ATP8A1: variants seen among roughly 807,000 people sequenced by gnomAD.
ATP8A1 encodes the protein ATPase phospholipid transporting 8A1, also known as phospholipid-transporting ATPase IA.
A neutral mutation model predicts 177.7 loss-of-function variants in ATP8A1; 90 were observed. That is an observed-to-expected ratio of 0.51 (90% CI 0.43 to 0.60). The LOEUF (loss-of-function observed/expected upper bound fraction) is 0.60, where lower values mean the gene tolerates loss of function less well. ATP8A1 is among the 20% of genes least tolerant of loss of function. The pLI is 0.00. For missense variants in ATP8A1, 1,072 were observed against 1,392.8 expected (o/e 0.77, Z 3.67); for synonymous variants, 493 against 485.9 (o/e 1.01, Z -0.19).
chr4:42,435,461 A>AAC lies in ATP8A1; in HGVS notation c.3123+8103_3123+8104insGT, dbSNP rs67063110. Among the ~76,000 whole-genome samples the AAC allele has an allele frequency of 3.0e-4, 37 of 122,374 alleles. 1 individual carries two copies. The highest frequency in any genetic ancestry group is 7.6e-4 in the East Asian group (3 of 3,924). The allele number at this position is 122,374 out of a possible 152,430, so 80.3% of individuals were successfully genotyped here. On this transcript the variant is annotated intron_variant, in intron 33 of 36. Coordinates refer to ENST00000381668, the MANE Select transcript of ATP8A1 (RefSeq NM_006095.2). Reference sequence around the variant, plus strand: ...AAAAAAAAAAAAAACAAAAAAAAAAAAACAAACTATCTCCAGTTATGAGCT... The same window carrying AAC: ...AAAAAAAAAAAAAACAAAAAAAAAAAACAACAAACTATCTCCAGTTATGAGCT...
intron 9 of ATP8A1, among the ~76,000 whole-genome samples, chr4:42,582,141 T>C (rs1733156876): frequency 6.6e-6 from 1 of 152,188 alleles, no homozygotes. Flanking sequence ...CTCTTGTCCT[T>C]GTGAGGACAC....
At position 42,421,588 on chromosome 4, in the gene ATP8A1, G is replaced by A. The variant is rs551913414; in HGVS notation, c.3305+1219C>T. 2.8e-4 allele frequency among the ~76,000 whole-genome samples: 42 copies of A among 152,248 alleles called. No homozygotes were observed. The South Asian group carries it at 8.3e-3, about 30-fold the overall frequency. ...CGAAGTGAGCGCTCAACAAAGGTCAGTGCTATTATTTTCAAAAAAGTGGCA... is the reference window on the plus strand; with the variant it reads ...CGAAGTGAGCGCTCAACAAAGGTCAATGCTATTATTTTCAAAAAAGTGGCA... On this transcript the variant is annotated intron_variant, in intron 35 of 36. Transcript: ENST00000381668.
chr4:42,532,513 A>C (rs1402006220), intron 20 of ATP8A1, among the ~76,000 whole-genome samples: 1 of 152,124 alleles, frequency 6.6e-6, no homozygotes, highest in Non-Finnish European at 1.5e-5. Flanking sequence ...GGTGACACAA[A>C]AAAAATAGAA....
intron 2 of ATP8A1, chr4:42,626,591 CA>C: frequency 4.9e-6 from 1 of 203,080 alleles, no homozygotes; most frequent in South Asian, 8.5e-5. Flanking sequence ...TCACAACTAT[CA>C]AAAACCAATA....
intron 1 of ATP8A1, among the ~76,000 whole-genome samples, chr4:42,627,731 C>A (rs990433435): frequency 2.6e-5 from 4 of 152,142 alleles, no homozygotes; most frequent in African/African-American, 9.7e-5. Context: ...GCAATGTTGA[C>A]AAACACTTTA....
At chr4:42,579,628 T>G (rs76443832) in intron 11 of ATP8A1, among the ~76,000 whole-genome samples, 185 bp downstream of exon 11, 1,525 of 152,048 alleles carry the variant, frequency 0.01, 15 homozygotes, top group African/African-American at 0.035. Flanking sequence ...GATTCTGAAA[T>G]TTTAGGATTC....
intron 1 of ATP8A1, among the ~76,000 whole-genome samples, chr4:42,642,302 C>T (rs560147413): frequency 6.6e-6 from 1 of 152,100 alleles, no homozygotes; most frequent in African/African-American, 2.4e-5. Flanking sequence ...CACACCCTAA[C>T]GAGACTCTGA....
In ATP8A1 at chr4:42,465,042, T is replaced by C. The variant is rs1719587735; in HGVS notation, c.2359A>G (p.Met787Val). ...ACGACTTTGACTTGTTTCTTAACCA[T>C]CTCAACAACTTCAGATTTTTGAAGA... ...SPLQKSEVVE[M>V]VKKQVKVVTL... The change falls in exon 26 of 37, where the codon ATG (methionine) becomes GTG (valine). Residue 787 changes from methionine (M) to valine (V), a missense_variant. Transcript: ENST00000381668. 1 of 1,613,800 alleles carries C rather than the reference T, an allele frequency of 6.2e-7. No individual in the cohort carries two copies.
chr4:42,630,041 G>C (rs1461457825), intron 1 of ATP8A1, among the ~76,000 whole-genome samples: 2 of 152,196 alleles, frequency 1.3e-5, no homozygotes, highest in African/African-American at 4.8e-5. Flanking sequence ...ATTCAAAATT[G>C]AAAGTTATTC....
chr4:42,478,616 T>C (rs1255895721), intron 25 of ATP8A1, among the ~76,000 whole-genome samples: 2 of 151,972 alleles, frequency 1.3e-5, no homozygotes, highest in African/African-American at 4.8e-5. Context: ...AGTTCAAGAC[T>C]CTAGGGAGAT....
At chr4:42,446,080 C>CAAAAAAAAGAAAAAAAAAAAAAAAAA (rs1717190826) in intron 31 of ATP8A1, among the ~76,000 whole-genome samples, 1 of 63,954 alleles carries the variant, frequency 1.6e-5, no homozygotes, top group Non-Finnish European at 3.3e-5. Flanking sequence ...AACGCCCTCT[C>CAAAAAAAAGAAAAAAAAAAAAAAAAA]AAAAAAAAAA....
chr4:42,588,274 A>G lies in ATP8A1; in HGVS notation c.580T>C (p.Leu194=). 6.2e-7 allele frequency: 1 copy of G among 1,613,348 alleles called. No homozygotes were observed. Among genetic ancestry groups the G allele is most frequent in the Non-Finnish European group, 8.5e-7 (1 of 1,179,418 alleles). ...TCAGATCTTACCTGTCTAATTTTCA[A>G]GTTTGTTTCACCATCTAAGTTGGAT... ...ETSNLDGETN[L]KIRQGLPATS... is the part of the protein sequence containing the mutation. The change falls in exon 8 of 37, where the codon TTG becomes CTG. Residue 194 remains leucine (L), a synonymous_variant. Transcript: ENST00000381668.
chr4:42,572,620 C>T (rs141238759), intron 14 of ATP8A1, among the ~76,000 whole-genome samples: 1 of 152,302 alleles, frequency 6.6e-6, no homozygotes, highest in African/African-American at 2.4e-5. Flanking sequence ...AGCAGTTTAA[C>T]TAGCTTTACT....
intron 25 of ATP8A1, among the ~76,000 whole-genome samples, chr4:42,465,590 C>A (rs1719649828): frequency 6.6e-6 from 1 of 152,156 alleles, no homozygotes; most frequent in Non-Finnish European, 1.5e-5. Context: ...CATTTTCTTC[C>A]AAAGCCACTA....
At chr4:42,583,088 C>A (rs1733261832) in intron 9 of ATP8A1, among the ~76,000 whole-genome samples, 1 of 152,200 alleles carries the variant, frequency 6.6e-6, no homozygotes, top group African/African-American at 2.4e-5. Flanking sequence ...CAAAGCGAGG[C>A]TGAGGTCTTC....
chr4:42,524,865 G>T lies in ATP8A1; in HGVS notation c.1723-18C>A, dbSNP rs990236947. The T allele has an allele frequency of 5.2e-6, 8 of 1,548,798 alleles. No homozygotes were observed. The highest frequency in any genetic ancestry group is 7.1e-6 in the Non-Finnish European group (8 of 1,134,078). On this transcript the variant is annotated intron_variant, in intron 20 of 36. Transcript: ENST00000381668. ...ACAGTGTCCTGGAAAACAAACAGAG[G>T]GTAAAATGATTTAATTAAGCATTCT...
At position 42,544,075 on chromosome 4, in the gene ATP8A1, A is replaced by G. The variant is rs556123705; in HGVS notation, c.1653-89T>C. Reference sequence around the variant, plus strand: ...ATGCCTCACATATTTTGATATTCACAGTAAAAAAATAAATCTGACCAAATC... The same window carrying G: ...ATGCCTCACATATTTTGATATTCACGGTAAAAAAATAAATCTGACCAAATC... On this transcript the variant is annotated intron_variant, in intron 19 of 36. Coordinates refer to ENST00000381668, the MANE Select transcript of ATP8A1 (RefSeq NM_006095.2). 1.7e-5 allele frequency: 19 copies of G among 1,096,704 alleles called. 2 individuals are homozygous for G. In the South Asian group the frequency reaches 2.6e-4, roughly 15 times the overall value. The allele number at this position is 1,096,704 out of a possible 1,614,324, so 67.9% of individuals were successfully genotyped here.
intron 30 of ATP8A1, among the ~76,000 whole-genome samples, chr4:42,447,805 C>A (rs1216205054): frequency 6.6e-6 from 1 of 152,092 alleles, no homozygotes; most frequent in East Asian, 1.9e-4. Context: ...TATAATCAAT[C>A]CCTATGGAAC....
chr4:42,578,928 A>G (rs1194618133), intron 11 of ATP8A1, among the ~76,000 whole-genome samples: 1 of 152,078 alleles, frequency 6.6e-6, no homozygotes, highest in African/African-American at 2.4e-5. Flanking sequence ...AAAGAAACAG[A>G]CTGATGGTAG....
Sources: allele counts gnomAD v4.1 joint callset (sites outside exome capture counted in the v4.1 genomes callset), GRCh38; gene constraint gnomAD v4.1.1; transcripts MANE v1.5; gene names NCBI Gene and HGNC (gene_info 2026-07-23, HGNC 2026-07-21).